KCNQ1: variants seen among roughly 807,000 people sequenced by gnomAD.
KCNQ1 encodes the protein potassium voltage-gated channel subfamily KQT member 1.
In KCNQ1, 49 loss-of-function variants were observed where a neutral mutation model predicts 72.4. The observed-to-expected ratio is 0.68, with a 90% confidence interval of 0.54 to 0.86. The LOEUF is 0.86. Ranked by LOEUF, KCNQ1 falls within the 40% of genes least tolerant of loss-of-function variation. The pLI, the probability that KCNQ1 is intolerant of heterozygous loss-of-function variation, is 0.00. For synonymous variants in KCNQ1, 450 were observed against 412.6 expected (o/e 1.09, Z -1.10); for missense variants, 790 against 945.1 (o/e 0.84, Z 2.15).
Position 2,567,980 on chromosome 11 carries a change from A to G in KCNQ1, c.478-2648A>G, listed in dbSNP as rs1021720733. Reference sequence around the variant, plus strand: ...ATTTAAGTAATTTTAAAAGTGCATCAAAACAAGGTCAGGCGCGGTGGCTCA... The same window carrying G: ...ATTTAAGTAATTTTAAAAGTGCATCGAAACAAGGTCAGGCGCGGTGGCTCA... On this transcript the variant is annotated intron_variant, in intron 2 of 15. Coordinates refer to ENST00000155840, the MANE Select transcript of KCNQ1 (RefSeq NM_000218.3). This position sits in a 1 kb window ranked among gnomAD's most constrained non-coding sequence, Gnocchi z 6.6. Among the ~76,000 whole-genome samples, 3 of 152,284 alleles carry G rather than the reference A, an allele frequency of 2.0e-5. No homozygotes were observed. The highest frequency in any genetic ancestry group is 6.5e-5 in the Admixed American group (1 of 15,278).
rs1849156285 is a variant in KCNQ1, at chr11:2,620,771, T to C, written c.1393+31917T>C. 2.5e-6 allele frequency: 1 copy of C among 398,494 alleles called. No individual in the cohort carries two copies. Among genetic ancestry groups the C allele is most frequent in the Non-Finnish European group, 4.4e-6 (1 of 226,078 alleles). The allele number at this position is 398,494 out of a possible 1,614,324, so 24.7% of individuals were successfully genotyped here. ...GTTATTTGAGAAAACTCCAAACTGC[T>C]TAGCACAGTGGCTGAACTAATTTGT... On this transcript the variant is annotated intron_variant, in intron 10 of 15. Transcript: ENST00000155840. This position sits in a 1 kb window ranked among gnomAD's most constrained non-coding sequence, Gnocchi z 4.5.
intron 11 of KCNQ1, among the ~76,000 whole-genome samples, chr11:2,756,989 C>T (rs1846314093): frequency 1.7e-5 from 2 of 115,450 alleles, no homozygotes; most frequent in African/African-American, 3.3e-5. Flanking sequence ...AAACCCACAG[C>T]TAACATCACA....
Position 2,653,034 on chromosome 11 carries a change from T to C in KCNQ1, c.1394-8927T>C, listed in dbSNP as rs1849781480. On this transcript the variant is annotated intron_variant, in intron 10 of 15. Transcript: ENST00000155840. The surrounding 1 kb of genome is among the most constrained non-coding windows in gnomAD (Gnocchi z 5.3). Reference sequence around the variant, plus strand: ...TCTATTCTGCACACCTTTGATCCAATGTGAGATCCAACATGTTCCATAATT... The same window carrying C: ...TCTATTCTGCACACCTTTGATCCAACGTGAGATCCAACATGTTCCATAATT... 1 of 398,542 alleles carries C rather than the reference T, an allele frequency of 2.5e-6. No homozygotes were observed. Among genetic ancestry groups the C allele is most frequent in the South Asian group, 1.3e-4 (1 of 7,862 alleles). The allele number at this position is 398,542 out of a possible 1,614,324, so 24.7% of individuals were successfully genotyped here.
chr11:2,615,063 A>AC (rs1849039418), intron 10 of KCNQ1: 1 of 398,106 alleles, frequency 2.5e-6, no homozygotes, highest in Non-Finnish European at 4.4e-6. Flanking sequence ...GTCTTCTTTA[A>AC]TTTTTGTCAA....
Position 2,572,069 on chromosome 11 carries a change from C to T in KCNQ1, c.740C>T (p.Thr247Ile), listed in dbSNP as rs1848344775. ...CTACACGTCGACCGCCAGGGAGGCA[C>T]CTGGAGGCTCCTGGGCTCCGTGGTC... ...RMLHVDRQGG[T>I]WRLLGSVVFI... The change falls in exon 5 of 16, where the codon ACC (threonine) becomes ATC (isoleucine). Residue 247 changes from threonine to isoleucine, a missense_variant. Thr to Ile is a moderately conservative substitution (Grantham distance 89, BLOSUM62 -1). Coordinates refer to ENST00000155840, the MANE Select transcript of KCNQ1 (RefSeq NM_000218.3). 3 of 1,612,886 alleles carry T rather than the reference C, an allele frequency of 1.9e-6. No homozygotes were observed. The highest frequency in any genetic ancestry group is 2.5e-6 in the Non-Finnish European group (3 of 1,179,898).
At chr11:2,448,464 G>A (rs1846076210) in intron 1 of KCNQ1, among the ~76,000 whole-genome samples, 1 of 152,250 alleles carries the variant, frequency 6.6e-6, no homozygotes, top group Admixed American at 6.5e-5. Flanking sequence ...CAAAAGACAA[G>A]GCCATGCAGA....
rs3079053 is a variant in KCNQ1, at chr11:2,813,999, A to AATGGATGG, written c.1795-33756_1795-33749dup. Among the ~76,000 whole-genome samples the AATGGATGG allele has an allele frequency of 4.7e-5, 7 of 148,954 alleles. No homozygotes were observed. The highest frequency in any genetic ancestry group is 1.7e-4 in the African/African-American group (7 of 40,110). On this transcript the variant is annotated intron_variant, in intron 15 of 15. Coordinates refer to ENST00000155840, the MANE Select transcript of KCNQ1 (RefSeq NM_000218.3). The surrounding 1 kb of genome is among the most constrained non-coding windows in gnomAD (Gnocchi z 4.4). ...GGAGGGAAGGAGGGCTGAATAAAGA[A>AATGGATGG]ATGGATGGATGGATGGATGATGGAT...
intron 10 of KCNQ1, chr11:2,660,248 C>T (rs1027917525): frequency 2.3e-5 from 9 of 397,970 alleles, no homozygotes; most frequent in Non-Finnish European, 2.7e-5. Flanking sequence ...AATTGTTGAT[C>T]ATCTGTCCTA....
Position 2,471,399 on chromosome 11 carries a change from C to T in KCNQ1, c.386+25915C>T, listed in dbSNP as rs11601717. On this transcript the variant is annotated intron_variant, in intron 1 of 15. Transcript: ENST00000155840. This position sits in a 1 kb window ranked among gnomAD's most constrained non-coding sequence, Gnocchi z 4.8. ...CCCAAGTGTCCTTCACGCTCAGCAA[C>T]GCCACAGCCTCTGACACTCCACGGC... 0.51 allele frequency among the ~76,000 whole-genome samples: 76,871 copies of T among 152,072 alleles called. 21,089 individuals carry two copies. Among genetic ancestry groups the T allele is most frequent in the Non-Finnish European group, 0.62 (42,202 of 67,960 alleles).
At chr11:2,733,814 A>ACACACACACACC in intron 11 of KCNQ1, among the ~76,000 whole-genome samples, 3 of 86,610 alleles carry the variant, frequency 3.5e-5, no homozygotes, top group African/African-American at 4.2e-5. Flanking sequence ...ACACACACAC[A>ACACACACACACC]CTCTCTCACT....
At position 2,654,236 on chromosome 11, in the gene KCNQ1, T is replaced by C; in HGVS notation, c.1394-7725T>C. ...CTGGCTGCAGCTGTCCGGATGCCCC[T>C]GGGGAGGGCTTCTCCTTCACAGTGC... is the stretch of plus-strand genomic sequence containing the variant. On this transcript the variant is annotated intron_variant, in intron 10 of 15. Coordinates refer to ENST00000155840, the MANE Select transcript of KCNQ1 (RefSeq NM_000218.3). The surrounding 1 kb of genome is among the most constrained non-coding windows in gnomAD (Gnocchi z 6.4). 1 of 398,560 alleles carries C rather than the reference T, an allele frequency of 2.5e-6. No individual in the cohort carries two copies. 24.7% of individuals were successfully genotyped at this position (398,560 alleles called of 1,614,324 possible).
rs978018364 is a variant in KCNQ1 at position 2,715,235 on chromosome 11, G to A, written c.1514+53154G>A. On this transcript the variant is annotated intron_variant, in intron 11 of 15. Transcript: ENST00000155840. This position sits in a 1 kb window ranked among gnomAD's most constrained non-coding sequence, Gnocchi z 4.9. ...CTCAGTAGAGACACAGCTAGAAAGT[G>A]GCCAGCTGGGGTTTGGTGCTGAGCC... is the stretch of plus-strand genomic sequence containing the variant. Among the ~76,000 whole-genome samples, 3 of 152,158 alleles carry A rather than the reference G, an allele frequency of 2.0e-5. No individual in the cohort carries two copies. Among genetic ancestry groups the A allele is most frequent in the Non-Finnish European group, 2.9e-5 (2 of 68,014 alleles).
chr11:2,674,176 G>A lies in KCNQ1; in HGVS notation c.1514+12095G>A, dbSNP rs2133871922. On this transcript the variant is annotated intron_variant, in intron 11 of 15. Transcript: ENST00000155840. This position sits in a 1 kb window ranked among gnomAD's most constrained non-coding sequence, Gnocchi z 5.9. Reference sequence around the variant, plus strand: ...AGGGAAGGAATGTGACCAAGGCTGGGTGTGGCTGGGGAGAGCACAGCCAGT... The same window carrying A: ...AGGGAAGGAATGTGACCAAGGCTGGATGTGGCTGGGGAGAGCACAGCCAGT... 1 of 398,740 alleles carries A rather than the reference G, an allele frequency of 2.5e-6. No homozygotes were observed. The highest frequency in any genetic ancestry group is 1.3e-4 in the South Asian group (1 of 7,862). The allele number at this position is 398,740 out of a possible 1,614,324, so 24.7% of individuals were successfully genotyped here. A position where few individuals can be genotyped will look rare whatever the true frequency, so the allele number is the denominator to read the frequency against.
intron 11 of KCNQ1, among the ~76,000 whole-genome samples, chr11:2,760,214 A>C (rs575526287): frequency 6.6e-5 from 10 of 152,284 alleles, no homozygotes; most frequent in African/African-American, 2.4e-4. Context: ...CAGTGGGCTC[A>C]GCCCCTGAGA....
At position 2,826,460 on chromosome 11, in the gene KCNQ1, A is replaced by G. The variant is rs1370544189; in HGVS notation, c.1795-21307A>G. 6.6e-6 allele frequency among the ~76,000 whole-genome samples: 1 copy of G among 152,228 alleles called. No individual in the cohort carries two copies. The highest frequency in any genetic ancestry group is 6.5e-5 in the Admixed American group (1 of 15,290). The stretch of plus-strand genomic sequence containing the variant: ...AACCGCCGTGCGGTTCCGCGCAGAC[A>G]GTCACGGAAACTCAGGCAGACCCGG... On this transcript the variant is annotated intron_variant, in intron 15 of 15. Transcript: ENST00000155840. The surrounding 1 kb of genome is among the most constrained non-coding windows in gnomAD (Gnocchi z 4.2).
intron 10 of KCNQ1, chr11:2,616,707 C>T (rs779598414): frequency 2.5e-6 from 1 of 398,066 alleles, no homozygotes; most frequent in Non-Finnish European, 4.4e-6. Context: ...GGTTTTTCTT[C>T]TGTTACAGAT....
Position 2,781,837 on chromosome 11 carries a change from C to T in KCNQ1, c.1794+3800C>T, listed in dbSNP as rs997770800. ...ACAGGGGAGTCCTGGGTTTCCATGC[C>T]GCAGTTCAGAAAGCGTTGGGCGGGA... On this transcript the variant is annotated intron_variant, in intron 15 of 15. Transcript: ENST00000155840. The surrounding 1 kb of genome is among the most constrained non-coding windows in gnomAD (Gnocchi z 6.6). 2.0e-5 allele frequency among the ~76,000 whole-genome samples: 3 copies of T among 152,138 alleles called. No individual in the cohort carries two copies. The highest frequency in any genetic ancestry group is 4.4e-5 in the Non-Finnish European group (3 of 68,016).
At position 2,668,311 on chromosome 11, in the gene KCNQ1, G is replaced by T; in HGVS notation, c.1514+6230G>T. On this transcript the variant is annotated intron_variant, in intron 11 of 15. Coordinates refer to ENST00000155840, the MANE Select transcript of KCNQ1 (RefSeq NM_000218.3). The surrounding 1 kb of genome is among the most constrained non-coding windows in gnomAD (Gnocchi z 4.3). ...GTGAGCATCAGGTTGCGTTTCTGGG[G>T]AATATATGCCTATGTGTGGAGCTGC... 1 of 398,594 alleles carries T rather than the reference G, an allele frequency of 2.5e-6. No individual in the cohort carries two copies. The highest frequency in any genetic ancestry group is 3.6e-5 in the East Asian group (1 of 28,074). The allele number at this position is 398,594 out of a possible 1,614,324, so 24.7% of individuals were successfully genotyped here. A position where few individuals can be genotyped will look rare whatever the true frequency, so the allele number is the denominator to read the frequency against.
chr11:2,659,060 C>T lies in KCNQ1; in HGVS notation c.1394-2901C>T, dbSNP rs574440610. The stretch of plus-strand genomic sequence containing the variant: ...ACTGCTATGTCATTTGTTTGTAACA[C>T]GCTCATCATAGTCTGCTTTTCATCG... On this transcript the variant is annotated intron_variant, in intron 10 of 15. Transcript: ENST00000155840. The surrounding 1 kb of genome is among the most constrained non-coding windows in gnomAD (Gnocchi z 4.3). 2.1e-4 allele frequency: 83 copies of T among 398,592 alleles called. No homozygotes were observed. Among genetic ancestry groups the T allele is most frequent in the African/African-American group, 1.5e-3 (71 of 48,742 alleles). 24.7% of individuals were successfully genotyped at this position (398,592 alleles called of 1,614,324 possible).
Sources: gnomAD v4.1 joint callset for allele counts (sites outside exome capture counted in the v4.1 genomes callset) on GRCh38, gnomAD v4.1.1 for gene constraint, Gnocchi (gnomAD v3.1) non-coding constraint, MANE v1.5 for transcripts, NCBI Gene and HGNC (gene_info 2026-07-23, HGNC 2026-07-21) for gene names.